The following ZNF683 variants were observed in gnomAD, a reference collection of about 807,000 sequenced individuals.
ZNF683 encodes zinc finger protein 683, also known as tissue-resident T-cell transcription regulator protein ZNF683.
In ZNF683, 20 loss-of-function variants were observed where a neutral mutation model predicts 31.4. The ratio of observed to expected loss-of-function variants is 0.64; its 90% CI spans 0.45 to 0.93. The LOEUF (loss-of-function observed/expected upper bound fraction) is 0.93. ZNF683 is among the 40% of genes least tolerant of loss of function. The pLI, the probability that ZNF683 is intolerant of heterozygous loss-of-function variation, is 0.00. For missense variants in ZNF683, 621 were observed against 637.2 expected (o/e 0.97, Z 0.27); for synonymous variants, 264 against 267.6 (o/e 0.99, Z 0.13).
At chr1:26,368,419 C>G (rs1409673976) in intron 2 of ZNF683, 39 bp downstream of exon 2, 2 of 1,511,342 alleles carry the variant, frequency 1.3e-6, no homozygotes, top group Non-Finnish European at 1.8e-6. Context: ...CTACTATAAG[C>G]AGACTACCCA....
intron 3 of ZNF683, among the ~76,000 whole-genome samples, chr1:26,367,181 G>A (rs796542150): frequency 3.6e-4 from 55 of 152,096 alleles, no homozygotes; most frequent in African/African-American, 1.2e-3. Context: ...CAGGAGAATC[G>A]CTTGAACCTG....
intron 4 of ZNF683, among the ~76,000 whole-genome samples, chr1:26,363,737 G>GAAAAAAAAAAAAAAA (rs61027154): frequency 7.4e-6 from 1 of 134,942 alleles, no homozygotes. Flanking sequence ...ACTCCATATG[G>GAAAAAAAAAAAAAAA]AAAAAAAAAA....
At chr1:26,367,457 T>C in intron 3 of ZNF683, 136 bp downstream of exon 3, 1 of 1,002,744 alleles carries the variant, frequency 1.0e-6, no homozygotes, top group Admixed American at 3.2e-5. Flanking sequence ...GGCCAAAATG[T>C]GGAAGTAAAG....
intron 5 of ZNF683, among the ~76,000 whole-genome samples, chr1:26,362,805 A>G (rs1304334094): frequency 6.6e-6 from 1 of 151,934 alleles, no homozygotes; most frequent in Non-Finnish European, 1.5e-5. Context: ...ACTCTCCATG[A>G]CCTCCAACTT....
chr1:26,364,473 G>T, intron 4 of ZNF683, 59 bp downstream of exon 4: 1 of 1,588,862 alleles, frequency 6.3e-7, no homozygotes, highest in Non-Finnish European at 8.6e-7. Flanking sequence ...AGCAGACTCG[G>T]GTGCATGGGG....
chr1:26,367,267 AAAAC>A (rs140165601), intron 3 of ZNF683, among the ~76,000 whole-genome samples: 5 of 151,596 alleles, frequency 3.3e-5, no homozygotes, highest in Admixed American at 2.0e-4. Context: ...CTCCATCTCA[AAAAC>A]AAACAAACAA....
upstream of ZNF683, chr1:26,372,913 G>T: frequency 9.8e-7 from 1 of 1,024,434 alleles, no homozygotes; most frequent in Middle Eastern, 4.4e-4. Flanking sequence ...GGAACCTGAG[G>T]GAGTCTGTCT....
chr1:26,363,965 C>T (rs1318791430), intron 4 of ZNF683, among the ~76,000 whole-genome samples: 1 of 152,204 alleles, frequency 6.6e-6, no homozygotes, highest in African/African-American at 2.4e-5. Context: ...CAGTTTCCGC[C>T]CTTTGCTAAC....
rs1557746174 is a variant in ZNF683 at position 26,372,744 on chromosome 1, A to T, written c.-90T>A. 2 of 1,221,246 alleles carry T rather than the reference A, an allele frequency of 1.6e-6. No homozygotes were observed. The highest frequency in any genetic ancestry group is 1.1e-4 in the East Asian group (2 of 17,548). 75.7% of individuals were successfully genotyped at this position (1,221,246 alleles called of 1,614,324 possible). A position where few individuals can be genotyped will look rare whatever the true frequency, so the allele number is the denominator to read the frequency against. On this transcript the variant is annotated 5_prime_UTR_variant, in exon 1 of 6. Coordinates refer to ENST00000349618, the MANE Select transcript of ZNF683 (RefSeq NM_001114759.3). ...CATCTGCTCAGGTTCCTCAGTTAGA[A>T]GACCATGGTCCTCCCTTTGTGCTAC...
At chr1:26,368,937 C>T (rs2074598254) in intron 1 of ZNF683, among the ~76,000 whole-genome samples, 1 of 152,032 alleles carries the variant, frequency 6.6e-6, no homozygotes, top group South Asian at 2.1e-4. Context: ...CATAGTGAGA[C>T]CCCCATCTCT....
In ZNF683 at chr1:26,368,539, A is replaced by G. The variant is rs746142185; in HGVS notation, c.33T>C (p.Cys11=). 3.7e-6 allele frequency: 6 copies of G among 1,606,982 alleles called. No homozygotes were observed. In the South Asian group the frequency reaches 4.5e-5, roughly 12 times the overall value. The part of the protein sequence containing the change: MKEESAAQLG[C]CHRPMALGGT... ...CTCCCAGGGCCATGGGCCTATGACA[A>G]CAACCTAATTGTGCAGCTGATTCTT... The change falls in exon 2 of 6, where the codon TGT becomes TGC. Residue 11 remains cysteine, a synonymous_variant. Transcript: ENST00000349618.
intron 1 of ZNF683, among the ~76,000 whole-genome samples, chr1:26,371,035 C>T (rs565201866): frequency 6.6e-6 from 1 of 152,074 alleles, no homozygotes; most frequent in Non-Finnish European, 1.5e-5. Flanking sequence ...AAAGGCTGAA[C>T]AGGGGAGCCT....
At chr1:26,369,254 T>C (rs897900522) in intron 1 of ZNF683, among the ~76,000 whole-genome samples, 2 of 148,982 alleles carry the variant, frequency 1.3e-5, no homozygotes, top group Non-Finnish European at 3.0e-5. Context: ...AAAAATAAAA[T>C]AAAATAAATA....
At chr1:26,365,266 G>A in intron 3 of ZNF683, 40 bp from the exon 4 acceptor site, 1 of 1,534,676 alleles carries the variant, frequency 6.5e-7, no homozygotes, top group Non-Finnish European at 8.7e-7. Context: ...CCCACAGTCT[G>A]GGGTGAAGTT....
intron 2 of ZNF683, 119 bp downstream of exon 2, chr1:26,368,339 G>C: frequency 8.0e-7 from 1 of 1,248,330 alleles, no homozygotes; most frequent in Non-Finnish European, 1.1e-6. Context: ...CCTGGGATAG[G>C]GGGTGCTCAG....
rs138781919 is a variant in ZNF683, at chr1:26,361,816, T to C, written c.1350A>G (p.Gln450=). The C allele has an allele frequency of 1.1e-5, 18 of 1,613,916 alleles. No homozygotes were observed. In the African/African-American group the frequency reaches 1.9e-4, roughly 17 times the overall value. Residue 450 remains glutamine (Q), a synonymous_variant, in exon 6 of 6, where the codon CAA becomes CAG. Transcript: ENST00000349618. ...LPLASLACLA[Q]WHQGALDLMA... Reference sequence around the variant, plus strand: ...TAAGATCTAGTGCCCCCTGGTGCCATTGGGCAAGGCAGGCCAGAGAGGCCA... The same window carrying C: ...TAAGATCTAGTGCCCCCTGGTGCCACTGGGCAAGGCAGGCCAGAGAGGCCA...
chr1:26,369,744 C>T (rs1447682367), intron 1 of ZNF683, among the ~76,000 whole-genome samples: 5 of 151,802 alleles, frequency 3.3e-5, no homozygotes, highest in Admixed American at 2.0e-4. Context: ...GCAAGAGAAT[C>T]GCTTGAACCC....
At chr1:26,369,322 C>A (rs1052434347) in intron 1 of ZNF683, among the ~76,000 whole-genome samples, 1 of 152,008 alleles carries the variant, frequency 6.6e-6, no homozygotes, top group East Asian at 1.9e-4. Flanking sequence ...GTCAGGAGTT[C>A]GAGACCAGCC....
chr1:26,368,679 C>T (rs1367071913), intron 1 of ZNF683, 94 bp from the exon 2 acceptor site: 4 of 1,378,386 alleles, frequency 2.9e-6, no homozygotes, highest in Non-Finnish European at 2.9e-6. Context: ...TGCTGCATGA[C>T]CACAAGTTAT....
Sources: allele counts gnomAD v4.1 joint callset (sites outside exome capture counted in the v4.1 genomes callset), GRCh38; gene constraint gnomAD v4.1.1; transcripts MANE v1.5; gene names NCBI Gene and HGNC (gene_info 2026-07-23, HGNC 2026-07-21).